The following SLC30A7 variants were observed in gnomAD, a reference collection of about 807,000 sequenced individuals.
SLC30A7 encodes solute carrier family 30 member 7, also known as zinc transporter 7.
A neutral mutation model predicts 46.0 loss-of-function variants in SLC30A7; 35 were observed. That is an observed-to-expected ratio of 0.76 (90% CI 0.58 to 1.01). SLC30A7 has a LOEUF of 1.01. Ranked by LOEUF, SLC30A7 falls within the 50% of genes least tolerant of loss-of-function variation. The pLI is 0.00. For synonymous variants in SLC30A7, 147 were observed against 157.8 expected, an observed-to-expected ratio of 0.93 and a Z score of 0.51; for missense variants, 464 against 451.1, an observed-to-expected ratio of 1.03 and a Z score of -0.26.
At position 100,912,065 on chromosome 1, in the gene SLC30A7, A is replaced by G. The variant is rs772266882; in HGVS notation, c.385-47A>G. On this transcript the variant is annotated intron_variant, in intron 4 of 10. Transcript: ENST00000357650. Reference sequence around the variant, plus strand: ...GTCTTATGATTTTGTTAGTTGATCAATCAGAAATAATATCTATGCTATTTG... The same window carrying G: ...GTCTTATGATTTTGTTAGTTGATCAGTCAGAAATAATATCTATGCTATTTG... 4.5e-6 allele frequency: 7 copies of G among 1,549,734 alleles called. No individual in the cohort carries two copies. The East Asian group carries it at 1.1e-4, about 25-fold the overall frequency.
chr1:100,993,655 T>C, the SLC30A7 span, among the ~76,000 whole-genome samples: 3 of 141,380 alleles, frequency 2.1e-5, no homozygotes, highest in Non-Finnish European at 4.6e-5. Context: ...CTCAAAAAAA[T>C]TCTGTCAGTG....
At chr1:100,964,256 C>T (rs1006174748) in intron 9 of SLC30A7, among the ~76,000 whole-genome samples, 6 of 84,230 alleles carry the variant, frequency 7.1e-5, no homozygotes, top group African/African-American at 1.6e-4. Context: ...TGTATATATA[C>T]ACAATATATG....
At chr1:100,911,617 C>A (rs1242757093) in intron 4 of SLC30A7, among the ~76,000 whole-genome samples, 2 of 152,276 alleles carry the variant, frequency 1.3e-5, no homozygotes, top group Admixed American at 6.5e-5. Context: ...GTGGCGCGAT[C>A]TCGGCTTACT....
chr1:100,945,899 T>C (rs2101063379), intron 8 of SLC30A7, among the ~76,000 whole-genome samples: 1 of 152,352 alleles, frequency 6.6e-6, no homozygotes, highest in East Asian at 1.9e-4. Flanking sequence ...TTTCATGATA[T>C]TGATTCTTCC....
chr1:100,896,395 C>CCCAG, intron 1 of SLC30A7, 53 bp downstream of exon 1: 1 of 1,586,344 alleles, frequency 6.3e-7, no homozygotes, highest in South Asian at 1.1e-5. Context: ...AGGGAGAAGG[C>CCCAG]CCAGACCTCA....
At chr1:100,920,068 T>C (rs1466612393) in intron 7 of SLC30A7, among the ~76,000 whole-genome samples, 1 of 152,082 alleles carries the variant, frequency 6.6e-6, no homozygotes, top group Non-Finnish European at 1.5e-5. Context: ...TAATGACACT[T>C]ACTAATAAAA....
At chr1:100,926,430 G>A (rs1272975677) in intron 8 of SLC30A7, among the ~76,000 whole-genome samples, 1 of 152,140 alleles carries the variant, frequency 6.6e-6, no homozygotes, top group Admixed American at 6.5e-5. Flanking sequence ...GGCATGTAGC[G>A]TGGTGAAAGA....
At chr1:100,924,099 A>G (rs182153160) in intron 8 of SLC30A7, among the ~76,000 whole-genome samples, 3 of 152,298 alleles carry the variant, frequency 2.0e-5, no homozygotes, top group Admixed American at 2.0e-4. Flanking sequence ...GTCTCCCTCT[A>G]AACACATCAC....
rs530767143 is a variant in SLC30A7, at chr1:100,906,963, T to A, written c.294T>A (p.Tyr98Ter). The change falls in exon 3 of 11, where the codon TAT (tyrosine) becomes TAA (stop). Residue 98 changes from tyrosine to a stop codon, truncating the protein, a stop_gained and splice_region_variant. Transcript: ENST00000357650. LOFTEE classifies it high-confidence loss of function. ...SKWRDNDAFS[Y>*]GYVRAEVLAG... Reference sequence around the variant, plus strand: ...GGAGAGATAATGATGCTTTCTCCTATGGGTAAGACTTTAAGAAAAAAAATC... The same window carrying A: ...GGAGAGATAATGATGCTTTCTCCTAAGGGTAAGACTTTAAGAAAAAAAATC... 6 of 1,589,996 alleles carry A rather than the reference T, an allele frequency of 3.8e-6. No homozygotes were observed. Among genetic ancestry groups the A allele is most frequent in the Non-Finnish European group, 5.2e-6 (6 of 1,161,862 alleles).
chr1:100,929,437 A>G (rs892632057), intron 8 of SLC30A7, among the ~76,000 whole-genome samples: 1 of 152,142 alleles, frequency 6.6e-6, no homozygotes, highest in Middle Eastern at 3.2e-3. Flanking sequence ...ATGTTTTTCA[A>G]ATTGGTAAAA....
chr1:100,990,453 G>A, the SLC30A7 span: 1 of 1,614,066 alleles, frequency 6.2e-7, no homozygotes, highest in South Asian at 1.1e-5. Flanking sequence ...TTTCTGGTAT[G>A]GAAAACAGAC....
the SLC30A7 span, chr1:100,990,162 C>A: frequency 2.1e-6 from 1 of 485,850 alleles, no homozygotes; most frequent in Non-Finnish European, 3.7e-6. Context: ...CTTCACAGGG[C>A]GGCAAGAGTG....
At position 100,923,137 on chromosome 1, in the gene SLC30A7, C is replaced by T. The variant is rs1164862080; in HGVS notation, c.842+1296C>T. 1.5e-5 allele frequency among the ~76,000 whole-genome samples: 2 copies of T among 133,852 alleles called. 1 individual carries two copies. The highest frequency in any genetic ancestry group is 1.5e-4 in the Admixed American group (2 of 13,382). 87.8% of individuals were successfully genotyped at this position (133,852 alleles called of 152,430 possible). On this transcript the variant is annotated intron_variant, in intron 8 of 10. Transcript: ENST00000357650. ...GTTCACGCCATTCTCCTGCCTCAGC[C>T]TCCCGAGTAGCTGGGACTACAGGCG...
Position 100,976,606 on chromosome 1 carries a change from T to A in SLC30A7, c.*1749T>A, listed in dbSNP as rs1334492270. ...ATATTCCCTTTTAACTTAAAAAAAT[T>A]GTAAATGTGGGAGAAAAAACCCTGC... On this transcript the variant is annotated 3_prime_UTR_variant, in exon 11 of 11. Transcript: ENST00000357650. 1 of 152,272 alleles carries A rather than the reference T, an allele frequency of 6.6e-6. No homozygotes were observed. The highest frequency in any genetic ancestry group is 1.9e-4 in the East Asian group (1 of 5,202). 9.4% of individuals were successfully genotyped at this position (152,272 alleles called of 1,614,324 possible). A position where few individuals can be genotyped will look rare whatever the true frequency, so the allele number is the denominator to read the frequency against.
intron 8 of SLC30A7, among the ~76,000 whole-genome samples, chr1:100,949,491 C>T (rs1227222968): frequency 2.6e-5 from 4 of 152,212 alleles, no homozygotes; most frequent in African/African-American, 7.2e-5. Flanking sequence ...AGGAGGCAGT[C>T]TGTCCGTTCT....
intron 8 of SLC30A7, among the ~76,000 whole-genome samples, chr1:100,944,477 CT>C (rs1428837998): frequency 6.6e-6 from 1 of 151,876 alleles, no homozygotes; most frequent in East Asian, 1.9e-4. Flanking sequence ...AAATTGGCTC[CT>C]TTTGGTTCTT....
At chr1:100,966,147 G>A (rs1488806370) in intron 10 of SLC30A7, among the ~76,000 whole-genome samples, 1 of 151,372 alleles carries the variant, frequency 6.6e-6, no homozygotes, top group Non-Finnish European at 1.5e-5. Context: ...AGGGTTGCTG[G>A]AGCCCAAGAG....
intron 5 of SLC30A7, among the ~76,000 whole-genome samples, chr1:100,912,461 T>C (rs1652166322): frequency 6.6e-6 from 1 of 152,114 alleles, no homozygotes; most frequent in Non-Finnish European, 1.5e-5. Flanking sequence ...AGCTTATCTG[T>C]TTAGTGTGAT....
the SLC30A7 span, among the ~76,000 whole-genome samples, chr1:100,991,991 G>GT: frequency 6.6e-6 from 1 of 151,662 alleles, no homozygotes; most frequent in African/African-American, 2.4e-5. Flanking sequence ...TGCACTTGTA[G>GT]TTCAGCTAAG....
Sources: gnomAD v4.1 joint callset for allele counts (sites outside exome capture counted in the v4.1 genomes callset) on GRCh38, gnomAD v4.1.1 for gene constraint, MANE v1.5 for transcripts, NCBI Gene and HGNC (gene_info 2026-07-23, HGNC 2026-07-21) for gene names.